STAU2: variants seen among roughly 807,000 people sequenced by gnomAD.
STAU2 encodes the protein double-stranded RNA-binding protein Staufen homolog 2.
In STAU2, 20 loss-of-function variants were observed where a neutral mutation model predicts 65.9. The observed-to-expected ratio is 0.30, with a 90% CI of 0.21 to 0.44. STAU2 has a LOEUF of 0.44. STAU2 is among the 20% of genes least tolerant of loss of function. The probability of loss-of-function intolerance (pLI) is 1.00; values close to 1 mark genes in which losing one functional copy is unlikely to be tolerated. For synonymous variants in STAU2, 232 were observed against 233.9 expected (o/e 0.99, Z 0.07); for missense variants, 558 against 683.9 (o/e 0.82, Z 2.05).
intron 10 of STAU2, among the ~76,000 whole-genome samples, chr8:73,596,193 C>T (rs1811173707): frequency 6.6e-6 from 1 of 151,424 alleles, no homozygotes; most frequent in Non-Finnish European, 1.5e-5. Flanking sequence ...CGAACTGGTA[C>T]AAATTATTTA....
chr8:73,634,167 T>A (rs1814321299), intron 6 of STAU2, among the ~76,000 whole-genome samples: 1 of 152,126 alleles, frequency 6.6e-6, no homozygotes. Flanking sequence ...GGTAAAAAAC[T>A]CCAAAACATT....
At chr8:73,639,714 A>C (rs1814814844) in intron 6 of STAU2, among the ~76,000 whole-genome samples, 1 of 152,152 alleles carries the variant, frequency 6.6e-6, no homozygotes, top group African/African-American at 2.4e-5. Context: ...TGAACAAGAC[A>C]TCAATAATTC....
At chr8:73,574,658 C>G (rs774527391) in intron 12 of STAU2, among the ~76,000 whole-genome samples, 2 of 152,124 alleles carry the variant, frequency 1.3e-5, no homozygotes, top group African/African-American at 4.8e-5. Flanking sequence ...ATCGCAAGGA[C>G]AGAAAACCAA....
intron 13 of STAU2, among the ~76,000 whole-genome samples, chr8:73,524,391 C>A (rs902564469): frequency 6.6e-6 from 1 of 152,086 alleles, no homozygotes; most frequent in African/African-American, 2.4e-5. Context: ...TAAATTTGGG[C>A]ATCATCAGCA....
chr8:73,555,026 G>C (rs376049081), intron 12 of STAU2, among the ~76,000 whole-genome samples: 2 of 152,128 alleles, frequency 1.3e-5, no homozygotes, highest in African/African-American at 4.8e-5. Flanking sequence ...TTCAGGCATC[G>C]CACCAACCAA....
At chr8:73,525,002 T>C (rs1373270389) in intron 13 of STAU2, among the ~76,000 whole-genome samples, 1 of 152,058 alleles carries the variant, frequency 6.6e-6, no homozygotes, top group East Asian at 1.9e-4. Flanking sequence ...TTACTTTGTG[T>C]CTCCTTTCCC....
chr8:73,556,911 T>C lies in STAU2; in HGVS notation c.1223-4592A>G, dbSNP rs570844192. ...TGTAGACATTATGTGCAGTTTATTA[T>C]ACTTCAATTATACCTCAATAAAGTT... On this transcript the variant is annotated intron_variant, in intron 12 of 14. Transcript: ENST00000524300. 2.0e-5 allele frequency among the ~76,000 whole-genome samples: 3 copies of C among 152,090 alleles called. No homozygotes were observed. The South Asian group carries it at 6.2e-4, about 32-fold the overall frequency.
chr8:73,596,297 T>C (rs1811181092), intron 10 of STAU2, among the ~76,000 whole-genome samples: 1 of 152,132 alleles, frequency 6.6e-6, no homozygotes, highest in Admixed American at 6.6e-5. Context: ...ATAATGTATG[T>C]AAACCACAGC....
chr8:73,453,624 G>C (rs1022813892), intron 13 of STAU2, among the ~76,000 whole-genome samples: 29 of 152,202 alleles, frequency 1.9e-4, no homozygotes, highest in Non-Finnish European at 7.3e-5. Flanking sequence ...TTTGAGGCCT[G>C]AGTAGCTAAA....
At chr8:73,579,834 C>T (rs190699241) in intron 12 of STAU2, among the ~76,000 whole-genome samples, 1 of 152,268 alleles carries the variant, frequency 6.6e-6, no homozygotes, top group Admixed American at 6.5e-5. Context: ...TGCAGGCAAT[C>T]AAGCAAGGAA....
At chr8:73,662,782 A>T (rs1816930981) in intron 6 of STAU2, among the ~76,000 whole-genome samples, 3 of 151,850 alleles carry the variant, frequency 2.0e-5, no homozygotes, top group Admixed American at 6.6e-5. Context: ...ATGCCAGGCT[A>T]ATTTTGTATT....
chr8:73,717,388 T>C (rs1348986269), intron 3 of STAU2, among the ~76,000 whole-genome samples: 2 of 152,200 alleles, frequency 1.3e-5, no homozygotes, highest in Non-Finnish European at 2.9e-5. Context: ...TCCACGAACA[T>C]TATAGTTTTA....
chr8:73,591,241 A>T (rs1810750938), intron 11 of STAU2, among the ~76,000 whole-genome samples: 1 of 152,164 alleles, frequency 6.6e-6, no homozygotes, highest in Admixed American at 6.5e-5. Flanking sequence ...GTATAGCCAC[A>T]ATAGGAGGTC....
At position 73,420,400 on chromosome 8, in the gene STAU2, A is replaced by G; in HGVS notation, c.*972T>C. On this transcript the variant is annotated 3_prime_UTR_variant, in exon 15 of 15. Coordinates refer to ENST00000524300, the MANE Select transcript of STAU2 (RefSeq NM_001164380.2). ...CAGAAACCAACCACATTTTTACTGC[A>G]TCTGCTCCACGCTGGATTCCAACAT... The G allele has an allele frequency of 3.0e-6, 1 of 334,044 alleles. No individual in the cohort carries two copies. The highest frequency in any genetic ancestry group is 2.4e-5 in the South Asian group (1 of 42,084). 20.7% of individuals were successfully genotyped at this position (334,044 alleles called of 1,614,324 possible).
At chr8:73,693,424 A>G (rs868641114) in intron 4 of STAU2, among the ~76,000 whole-genome samples, 8 of 151,338 alleles carry the variant, frequency 5.3e-5, no homozygotes, top group African/African-American at 1.2e-4. Flanking sequence ...GCAGTGAGCC[A>G]AGACAGCGCC....
chr8:73,614,031 A>C, intron 8 of STAU2, 75 bp from the exon 9 acceptor site: 1 of 1,198,562 alleles, frequency 8.3e-7, no homozygotes, highest in Non-Finnish European at 1.1e-6. Flanking sequence ...CTTAATATTC[A>C]TATCAAAACC....
chr8:73,676,681 C>T lies in STAU2; in HGVS notation c.275-3439G>A, dbSNP rs185077445. ...TGCAATCTCAGCTCATTGCAACCTCCGCCTCCCAGGTTCAAGCGATTCTCC... is the reference window on the plus strand; with the variant it reads ...TGCAATCTCAGCTCATTGCAACCTCTGCCTCCCAGGTTCAAGCGATTCTCC... On this transcript the variant is annotated intron_variant, in intron 5 of 14. Transcript: ENST00000524300. 5.3e-5 allele frequency among the ~76,000 whole-genome samples: 8 copies of T among 152,300 alleles called. No individual in the cohort carries two copies. The East Asian group carries it at 1.4e-3, about 26-fold the overall frequency.
chr8:73,655,168 T>C (rs577522928), intron 6 of STAU2, among the ~76,000 whole-genome samples: 53 of 152,366 alleles, frequency 3.5e-4, no homozygotes, highest in Admixed American at 9.8e-4. Flanking sequence ...GTTACACATA[T>C]TCTTGCATAT....
At chr8:73,704,122 C>T (rs1344145993) in intron 4 of STAU2, among the ~76,000 whole-genome samples, 1 of 152,140 alleles carries the variant, frequency 6.6e-6, no homozygotes, top group Non-Finnish European at 1.5e-5. Context: ...CATCCTACAG[C>T]TCAAAATCTC....
Sources: gnomAD v4.1 joint callset for allele counts (sites outside exome capture counted in the v4.1 genomes callset) on GRCh38, gnomAD v4.1.1 for gene constraint, MANE v1.5 for transcripts, NCBI Gene and HGNC (gene_info 2026-07-23, HGNC 2026-07-21) for gene names.